NUP133: variants seen among roughly 807,000 people sequenced by gnomAD.
The protein encoded by NUP133 is nucleoporin 133.
Under a neutral mutation model 146.2 loss-of-function variants are expected in NUP133, and 66 were observed. The ratio of observed to expected loss-of-function variants is 0.45; its 90% CI spans 0.37 to 0.55. The LOEUF (loss-of-function observed/expected upper bound fraction) is 0.55. NUP133 is among the 20% of genes least tolerant of loss of function. The pLI, the probability that NUP133 is intolerant of heterozygous loss-of-function variation, is 0.00. For missense variants in NUP133, 1,277 were observed against 1,374.8 expected, an observed-to-expected ratio of 0.93 and a Z score of 1.12; for synonymous variants, 521 against 498.8, an observed-to-expected ratio of 1.04 and a Z score of -0.59.
intron 21 of NUP133, among the ~76,000 whole-genome samples, chr1:229,454,874 T>C (rs902227072): frequency 1.3e-5 from 2 of 151,808 alleles, no homozygotes; most frequent in African/African-American, 4.9e-5. Flanking sequence ...AATAAAAAGA[T>C]TGAAGGAAGA....
intron 12 of NUP133, 46 bp downstream of exon 12, chr1:229,484,008 T>C (rs1661285637): frequency 1.5e-5 from 20 of 1,353,092 alleles, no homozygotes; most frequent in Non-Finnish European, 2.1e-5. Context: ...CAGTAAAACA[T>C]ATCCTCACAC....
rs139516144 is a variant in NUP133 at position 229,482,848 on chromosome 1, G to A, written c.1592+1206C>T. On this transcript the variant is annotated intron_variant, in intron 12 of 25. Coordinates refer to ENST00000261396, the MANE Select transcript of NUP133 (RefSeq NM_018230.3). ...CCTGTGATACATGAATAAGCCCAGG[G>A]CAGCCTGCTAGTTGAGGAGACATCA... is the stretch of plus-strand genomic sequence containing the variant. 1.1e-3 allele frequency among the ~76,000 whole-genome samples: 160 copies of A among 152,318 alleles called. 2 individuals are homozygous for A. In the South Asian group the frequency reaches 0.012, roughly 11 times the overall value.
At chr1:229,480,362 G>C (rs1038776813) in intron 12 of NUP133, among the ~76,000 whole-genome samples, 5 of 152,160 alleles carry the variant, frequency 3.3e-5, no homozygotes, top group African/African-American at 1.2e-4. Context: ...GGTGAAGCTG[G>C]TGACCCAGTC....
chr1:229,444,943 A>G lies in NUP133; in HGVS notation c.3305T>C (p.Val1102Ala). The change falls in exon 25 of 26, where the codon GTG (valine) becomes GCG (alanine). Residue 1102 changes from valine (V) to alanine (A), a missense_variant. By Grantham distance (64) the Val-to-Ala change is moderately conservative. This residue lies in a region of NUP133 where 952 missense variants were observed against 1,047.0 expected (regional missense o/e 0.91). Transcript: ENST00000261396. ...TTTTAAAAGTTTCTGTAAGATCTTC[A>G]CAAATATACTGTCTTTAGATACTTC... ...PIEVSKDSIF[V>A]KILQKLLKDG... 1 of 1,611,594 alleles carries G rather than the reference A, an allele frequency of 6.2e-7. No individual in the cohort carries two copies.
intron 19 of NUP133, among the ~76,000 whole-genome samples, chr1:229,461,155 A>G (rs1660682284): frequency 1.3e-5 from 2 of 152,204 alleles, no homozygotes; most frequent in Non-Finnish European, 2.9e-5. Context: ...CCATTTGGAC[A>G]GCGCATTATC....
chr1:229,495,998 G>A lies in NUP133; in HGVS notation c.869C>T (p.Thr290Met), dbSNP rs766550059. 3.0e-5 allele frequency: 48 copies of A among 1,610,048 alleles called. No individual in the cohort carries two copies. Among genetic ancestry groups the A allele is most frequent in the African/African-American group, 5.4e-5 (4 of 74,694 alleles). Reference sequence around the variant, plus strand: ...TTCCCATTTACTGATGTTTGAACTCGTCAGGCTATAAAAGCTTGATCTCTC... The same window carrying A: ...TTCCCATTTACTGATGTTTGAACTCATCAGGCTATAAAAGCTTGATCTCTC... Reference protein sequence around the residue: ...DRERSSFYSLTSSNISKWELD... With the variant: ...DRERSSFYSLMSSNISKWELD... The change falls in exon 7 of 26, where the codon ACG becomes ATG. Residue 290 changes from threonine to methionine, a missense_variant. Physicochemically the swap from Thr to Met is moderately conservative, Grantham distance 81. Transcript: ENST00000261396.
At chr1:229,473,076 A>T (rs1660996416) in intron 14 of NUP133, among the ~76,000 whole-genome samples, 1 of 151,892 alleles carries the variant, frequency 6.6e-6, no homozygotes, top group Non-Finnish European at 1.5e-5. Context: ...ACATTATGAG[A>T]CCCTGTCTCT....
rs1306327701 is a variant in NUP133 at position 229,452,529 on chromosome 1, A to G, written c.3095T>C (p.Ile1032Thr). 12 of 1,609,990 alleles carry G rather than the reference A, an allele frequency of 7.5e-6. No homozygotes were observed. Among genetic ancestry groups the G allele is most frequent in the African/African-American group, 1.3e-5 (1 of 74,920 alleles). Residue 1032 changes from isoleucine to threonine, a missense_variant, in exon 22 of 26, where the codon ATT becomes ACT. Transcript: ENST00000261396. ...AMPVLTAPQL[I>T]GLYICEENRR... ...AAGGATTTGAAAAGCACATACACCA[A>G]TGAGTTGTGGTGCAGTCAATACTGG...
intron 6 of NUP133, among the ~76,000 whole-genome samples, chr1:229,496,721 C>T (rs1213174162): frequency 1.3e-5 from 2 of 152,146 alleles, no homozygotes; most frequent in African/African-American, 4.8e-5. Context: ...GTGGCTCGTG[C>T]TTGTAATTCC....
intron 15 of NUP133, among the ~76,000 whole-genome samples, chr1:229,470,279 C>T (rs567288628): frequency 7.1e-6 from 1 of 140,272 alleles, no homozygotes; most frequent in Admixed American, 7.2e-5. Context: ...CAGAGTGAGA[C>T]TCCATCTCAA....
chr1:229,505,103 C>T (rs1661900752), intron 2 of NUP133, among the ~76,000 whole-genome samples: 2 of 152,182 alleles, frequency 1.3e-5, no homozygotes, highest in Admixed American at 6.5e-5. Flanking sequence ...TGACCCAAGA[C>T]AATTCTTCTT....
At chr1:229,449,587 T>C (rs758525008) in intron 23 of NUP133, among the ~76,000 whole-genome samples, 44 of 151,712 alleles carry the variant, frequency 2.9e-4, no homozygotes, top group Non-Finnish European at 4.3e-4. Context: ...GCCAGACTGG[T>C]CTCGAACTTC....
chr1:229,458,476 A>G (rs570589696), intron 20 of NUP133, among the ~76,000 whole-genome samples, 180 bp from the exon 21 acceptor site: 17 of 152,318 alleles, frequency 1.1e-4, no homozygotes, highest in African/African-American at 3.8e-4. Context: ...ACAGCAAAAT[A>G]TCAACCATCC....
chr1:229,447,685 G>A (rs530180722), intron 24 of NUP133, among the ~76,000 whole-genome samples: 5 of 152,214 alleles, frequency 3.3e-5, no homozygotes, highest in East Asian at 1.9e-4. Flanking sequence ...AACACAAAAC[G>A]ACAGGGTTTG....
intron 20 of NUP133, among the ~76,000 whole-genome samples, chr1:229,458,644 T>G (rs1318141116): frequency 6.6e-6 from 1 of 152,072 alleles, no homozygotes; most frequent in East Asian, 1.9e-4. Context: ...AAAAGGCCAA[T>G]GACTGTTACA....
intron 5 of NUP133, among the ~76,000 whole-genome samples, chr1:229,498,991 T>C (rs1308071552): frequency 6.6e-6 from 1 of 152,174 alleles, no homozygotes; most frequent in Non-Finnish European, 1.5e-5. Flanking sequence ...CTCAATCTCC[T>C]GGGCTCAAGA....
At chr1:229,448,764 T>G (rs976266837) in intron 24 of NUP133, 2 of 240,580 alleles carry the variant, frequency 8.3e-6, no homozygotes, top group Admixed American at 5.1e-5. Context: ...GTAGGTGTGT[T>G]TTCCTGAGTT....
intron 12 of NUP133, among the ~76,000 whole-genome samples, chr1:229,477,971 T>C (rs979005837): frequency 6.6e-6 from 1 of 152,106 alleles, no homozygotes; most frequent in Non-Finnish European, 1.5e-5. Flanking sequence ...AATAATTTAG[T>C]GTACATTTTA....
At chr1:229,458,078 C>T (rs1170590116) in intron 21 of NUP133, 83 bp downstream of exon 21, 1 of 1,402,288 alleles carries the variant, frequency 7.1e-7, no homozygotes, top group Non-Finnish European at 9.7e-7. Flanking sequence ...AGAGATAGAT[C>T]CTGCTAACTG....
Sources: gnomAD v4.1 joint callset for allele counts (sites outside exome capture counted in the v4.1 genomes callset) on GRCh38, gnomAD v4.1.1 for gene constraint, gnomAD v4.1.1 regional missense constraint, MANE v1.5 for transcripts, NCBI Gene and HGNC (gene_info 2026-07-23, HGNC 2026-07-21) for gene names.